FAT3: variants seen among roughly 807,000 people sequenced by gnomAD.
FAT3 encodes the protein protocadherin Fat 3.
In FAT3, 95 loss-of-function variants were observed where a neutral mutation model predicts 310.2. That is an observed-to-expected ratio of 0.31 (90% CI 0.26 to 0.36). The LOEUF (loss-of-function observed/expected upper bound fraction) is 0.36, where lower values mean the gene tolerates loss of function less well. Ranked by LOEUF, FAT3 falls within the 10% of genes least tolerant of loss-of-function variation. The pLI is 1.00. For synonymous variants in FAT3, 2,314 were observed against 2,192.9 expected (o/e 1.06, Z -1.54); for missense variants, 5,408 against 5,715.6 (o/e 0.95, Z 1.74).
At chr11:92,415,309 T>C (rs80333415) in intron 2 of FAT3, among the ~76,000 whole-genome samples, 1,807 of 152,292 alleles carry the variant, frequency 0.012, 11 homozygotes, top group Non-Finnish European at 0.018. Flanking sequence ...CTGAGGACAT[T>C]CCACAGATTG....
At chr11:92,595,396 G>A (rs1282290523) in intron 3 of FAT3, among the ~76,000 whole-genome samples, 1 of 152,100 alleles carries the variant, frequency 6.6e-6, no homozygotes, top group Non-Finnish European at 1.5e-5. Context: ...TGTGGGCAAC[G>A]GAACAAAAAG....
At chr11:92,627,284 T>C (rs2135689374) in intron 3 of FAT3, among the ~76,000 whole-genome samples, 1 of 152,288 alleles carries the variant, frequency 6.6e-6, no homozygotes, top group East Asian at 1.9e-4. Context: ...ATAAGGTCAA[T>C]AGCTTGATTC....
intron 22 of FAT3, among the ~76,000 whole-genome samples, chr11:92,870,412 G>A (rs1207554690): frequency 6.6e-6 from 1 of 152,042 alleles, no homozygotes; most frequent in Non-Finnish European, 1.5e-5. Flanking sequence ...TGTAATGAGA[G>A]TATAAATATG....
At chr11:92,538,615 T>A (rs1237482118) in intron 3 of FAT3, among the ~76,000 whole-genome samples, 1 of 152,134 alleles carries the variant, frequency 6.6e-6, no homozygotes, top group Non-Finnish European at 1.5e-5. Flanking sequence ...TGATATATAC[T>A]ACATACTCAT....
chr11:92,662,377 C>T (rs757244819), intron 3 of FAT3, among the ~76,000 whole-genome samples: 3 of 152,152 alleles, frequency 2.0e-5, no homozygotes, highest in African/African-American at 7.2e-5. Context: ...GATGCCTCTT[C>T]TTTGAGGTCC....
chr11:92,363,366 C>T (rs766942964), intron 2 of FAT3, among the ~76,000 whole-genome samples: 2 of 152,098 alleles, frequency 1.3e-5, no homozygotes, highest in Non-Finnish European at 2.9e-5. Context: ...TAGCTTCAGC[C>T]CAGATATTTA....
chr11:92,380,812 A>T (rs1295105272), intron 2 of FAT3, among the ~76,000 whole-genome samples: 5 of 152,160 alleles, frequency 3.3e-5, no homozygotes, highest in Non-Finnish European at 5.9e-5. Context: ...TGAGCTTCTG[A>T]TGGGATAAAG....
chr11:92,482,961 A>G (rs1231969960), intron 2 of FAT3, among the ~76,000 whole-genome samples: 1 of 152,234 alleles, frequency 6.6e-6, no homozygotes, highest in Admixed American at 6.5e-5. Context: ...ATCATCGTAA[A>G]TCAAGAAGGG....
chr11:92,604,666 C>T lies in FAT3; in HGVS notation c.3607+79718C>T, dbSNP rs190769995. Among the ~76,000 whole-genome samples, 4 of 152,318 alleles carry T rather than the reference C, an allele frequency of 2.6e-5. No homozygotes were observed. In the East Asian group the frequency reaches 7.7e-4, roughly 29 times the overall value. On this transcript the variant is annotated intron_variant, in intron 3 of 27. Transcript: ENST00000525166. The stretch of plus-strand genomic sequence containing the variant: ...TCTATACTCATCCTGTATCACTTTG[C>T]CCTGTATATACCCATCCTGTATCAC...
At chr11:92,679,818 GGC>G (rs1943418231) in intron 3 of FAT3, among the ~76,000 whole-genome samples, 1 of 128,178 alleles carries the variant, frequency 7.8e-6, no homozygotes, top group Non-Finnish European at 1.6e-5. Flanking sequence ...CTCCAGCCTG[GGC>G]GACAGAGCGA....
intron 2 of FAT3, among the ~76,000 whole-genome samples, chr11:92,456,799 C>A (rs1951505259): frequency 6.6e-6 from 1 of 152,064 alleles, no homozygotes; most frequent in Non-Finnish European, 1.5e-5. Context: ...AATGCACTGT[C>A]ATTCTTTCAA....
At position 92,891,255 on chromosome 11, in the gene FAT3, A is replaced by G; in HGVS notation, c.*142A>G. On this transcript the variant is annotated 3_prime_UTR_variant, in exon 28 of 28. Transcript: ENST00000525166. ...CACTAGAAACTTCTTCACAAGTCAT[A>G]CTGTCCCAACAAGCAAGCTTGATTC... 1 of 1,151,300 alleles carries G rather than the reference A, an allele frequency of 8.7e-7. No individual in the cohort carries two copies. Among genetic ancestry groups the G allele is most frequent in the Non-Finnish European group, 1.2e-6 (1 of 828,238 alleles). 71.3% of individuals were successfully genotyped at this position (1,151,300 alleles called of 1,614,324 possible).
At chr11:92,658,900 C>T (rs924722641) in intron 3 of FAT3, among the ~76,000 whole-genome samples, 3 of 150,336 alleles carry the variant, frequency 2.0e-5, no homozygotes, top group South Asian at 2.1e-4. Context: ...CTCAATGACT[C>T]GCCTATTGTC....
At chr11:92,716,525 G>C (rs1282598648) in intron 4 of FAT3, among the ~76,000 whole-genome samples, 2 of 152,004 alleles carry the variant, frequency 1.3e-5, no homozygotes, top group African/African-American at 4.8e-5. Flanking sequence ...TACTTTTACA[G>C]AAAATTTGCA....
chr11:92,390,556 C>T (rs1197830799), intron 2 of FAT3, among the ~76,000 whole-genome samples: 2 of 152,168 alleles, frequency 1.3e-5, no homozygotes, highest in African/African-American at 4.8e-5. Flanking sequence ...CCACTAGAAT[C>T]CATAGTCCTC....
rs1324952212 is a variant in FAT3, at chr11:92,355,378, G to A, written c.3266G>A (p.Gly1089Glu). 1.2e-6 allele frequency: 2 copies of A among 1,613,604 alleles called. No individual in the cohort carries two copies. The highest frequency in any genetic ancestry group is 3.3e-5 in the Admixed American group (2 of 59,944). Residue 1089 changes from glycine (G) to glutamate (E), a missense_variant, in exon 2 of 28, where the codon GGA becomes GAA. By Grantham distance (98) the Gly-to-Glu change is moderately conservative. This residue lies in a region of FAT3 where 4,588 missense variants were observed against 4,809.8 expected (regional missense o/e 0.95). Transcript: ENST00000525166. Reference sequence around the variant, plus strand: ...TCCATCAGGGATGGCAGTGGTCTTGGAAGGTTCAGTATAGACGACGAGAGT... The same window carrying A: ...TCCATCAGGGATGGCAGTGGTCTTGAAAGGTTCAGTATAGACGACGAGAGT... Reference protein sequence around the residue: ...QYSIRDGSGLGRFSIDDESGV... With the variant: ...QYSIRDGSGLERFSIDDESGV...
chr11:92,632,769 G>T (rs538058626), intron 3 of FAT3, among the ~76,000 whole-genome samples: 15 of 152,304 alleles, frequency 9.8e-5, no homozygotes, highest in African/African-American at 3.4e-4. Context: ...CCACCTTCTG[G>T]CTAGTAAATT....
intron 1 of FAT3, among the ~76,000 whole-genome samples, chr11:92,235,600 G>A (rs991824479): frequency 6.6e-6 from 1 of 152,162 alleles, no homozygotes; most frequent in Non-Finnish European, 1.5e-5. Flanking sequence ...CTTGGTTAGT[G>A]ATTATGGACT....
At chr11:92,668,234 A>T (rs1465929326) in intron 3 of FAT3, among the ~76,000 whole-genome samples, 1 of 152,256 alleles carries the variant, frequency 6.6e-6, no homozygotes, top group African/African-American at 2.4e-5. Context: ...GTGGTTGGCC[A>T]AATATGACAT....
Sources: gnomAD v4.1 joint callset for allele counts (sites outside exome capture counted in the v4.1 genomes callset) on GRCh38, gnomAD v4.1.1 for gene constraint, gnomAD v4.1.1 regional missense constraint, MANE v1.5 for transcripts, NCBI Gene and HGNC (gene_info 2026-07-23, HGNC 2026-07-21) for gene names.